The following LSP1 variants were observed in gnomAD, a reference collection of about 807,000 sequenced individuals.
The protein encoded by LSP1 is lymphocyte-specific protein 1.
Under a neutral mutation model 49.3 loss-of-function variants are expected in LSP1, and 32 were observed. The ratio of observed to expected loss-of-function variants is 0.65; its 90% CI spans 0.49 to 0.87. LSP1 has a LOEUF of 0.87. Among genes scored for constraint, LSP1 ranks in the 40% least tolerant of loss-of-function variants. The probability of loss-of-function intolerance (pLI) is 0.00; values close to 1 mark genes in which losing one functional copy is unlikely to be tolerated. For missense variants in LSP1, 428 were observed against 442.6 expected (o/e 0.97, Z 0.30); for synonymous variants, 179 against 178.8 (o/e 1.00, Z -0.01).
chr11:1,855,340 G>T (rs552150693), intron 1 of LSP1, among the ~76,000 whole-genome samples: 1 of 152,308 alleles, frequency 6.6e-6, no homozygotes, highest in South Asian at 2.1e-4. Flanking sequence ...AGCTGGGGCT[G>T]GAGCAGTGGA....
At chr11:1,870,376 G>A (rs750591979) in intron 1 of LSP1, 332 of 1,251,676 alleles carry the variant, frequency 2.7e-4, no homozygotes, top group Non-Finnish European at 3.2e-4. Flanking sequence ...AAGAAGTGCC[G>A]GCCCAGGGGC....
In LSP1 at chr11:1,865,334, G is replaced by A. The variant is rs560003152; in HGVS notation, c.53+12137G>A. 2.6e-5 allele frequency: 17 copies of A among 665,056 alleles called. No individual in the cohort carries two copies. In the South Asian group the frequency reaches 6.5e-4, roughly 26 times the overall value. The allele number at this position is 665,056 out of a possible 1,614,324, so 41.2% of individuals were successfully genotyped here. A position where few individuals can be genotyped will look rare whatever the true frequency, so the allele number is the denominator to read the frequency against. ...CCCATGCTGGGCTGCCACATGCACC[G>A]GGCCACTGGGCCTCCCCCCAGCTTC... On this transcript the variant is annotated intron_variant, in intron 1 of 10. Coordinates refer to ENST00000311604, the MANE Select transcript of LSP1 (RefSeq NM_002339.3).
intron 10 of LSP1, 94 bp downstream of exon 10, chr11:1,887,670 G>C: frequency 1.0e-6 from 1 of 972,400 alleles, no homozygotes; most frequent in Non-Finnish European, 1.6e-6. Flanking sequence ...GAGCCCTGTT[G>C]CAGGCTACAA....
intron 10 of LSP1, chr11:1,890,283 G>A (rs1417626881): frequency 1.4e-6 from 1 of 712,434 alleles, no homozygotes; most frequent in South Asian, 1.5e-5. Context: ...AGCCTCGGCG[G>A]GGCGTGGGGC....
chr11:1,864,258 A>G, intron 1 of LSP1: 1 of 987,402 alleles, frequency 1.0e-6, no homozygotes, highest in Non-Finnish European at 1.2e-6. Flanking sequence ...CAGGTTGACG[A>G]GGGGCTGGAC....
intron 1 of LSP1, chr11:1,863,557 T>G (rs1758896739): frequency 6.6e-6 from 1 of 152,196 alleles, no homozygotes; most frequent in African/African-American, 2.4e-5. Flanking sequence ...TGGTTCTGAG[T>G]GCCAGCGAGC....
rs928623037 is a variant in LSP1 at position 1,870,564 on chromosome 11, C to T, written c.54-9523C>T. 32 of 1,149,314 alleles carry T rather than the reference C, an allele frequency of 2.8e-5. No homozygotes were observed. The East Asian group carries it at 3.2e-4, about 11-fold the overall frequency. 71.2% of individuals were successfully genotyped at this position (1,149,314 alleles called of 1,614,324 possible). A position where few individuals can be genotyped will look rare whatever the true frequency, so the allele number is the denominator to read the frequency against. ...AAGAGGGCCTGGCTGCTGGGTGCTACGGTAGGAAGATCCCGGTGCTGTGGG... is the reference window on the plus strand; with the variant it reads ...AAGAGGGCCTGGCTGCTGGGTGCTATGGTAGGAAGATCCCGGTGCTGTGGG... On this transcript the variant is annotated intron_variant, in intron 1 of 10. Coordinates refer to ENST00000311604, the MANE Select transcript of LSP1 (RefSeq NM_002339.3).
intron 10 of LSP1, chr11:1,889,148 C>T: frequency 1.5e-6 from 1 of 656,890 alleles, no homozygotes. Flanking sequence ...GGCCACTTCA[C>T]TGGAGCCTCC....
intron 1 of LSP1, 136 bp downstream of exon 1, chr11:1,853,333 T>C (rs944984531): frequency 2.4e-6 from 2 of 835,650 alleles, no homozygotes; most frequent in Non-Finnish European, 3.6e-6. Context: ...GGATGTCCGA[T>C]GGGGAAACTG....
At chr11:1,854,569 G>T (rs564234608) in intron 1 of LSP1, among the ~76,000 whole-genome samples, 1 of 152,162 alleles carries the variant, frequency 6.6e-6, no homozygotes, top group Admixed American at 6.5e-5. Context: ...GTACAGGTGC[G>T]GGGGGCCACT....
chr11:1,880,370 G>A (rs1451614884), intron 2 of LSP1, 146 bp downstream of exon 2: 1 of 1,012,994 alleles, frequency 9.9e-7, no homozygotes, highest in East Asian at 3.0e-5. Flanking sequence ...AGGCGTGGGA[G>A]TGGGTGAGTG....
chr11:1,856,622 C>G (rs960774979), intron 1 of LSP1, among the ~76,000 whole-genome samples: 2 of 152,244 alleles, frequency 1.3e-5, no homozygotes, highest in African/African-American at 4.8e-5. Flanking sequence ...AGGGTTCCTT[C>G]TGGCCATCTG....
intron 1 of LSP1, among the ~76,000 whole-genome samples, chr11:1,862,451 C>G (rs1847667031): frequency 6.6e-6 from 1 of 152,210 alleles, no homozygotes; most frequent in South Asian, 2.1e-4. Flanking sequence ...TTCTTTTGAA[C>G]TAAAATATGC....
At chr11:1,869,946 G>A (rs1847929468) in intron 1 of LSP1, among the ~76,000 whole-genome samples, 1 of 152,126 alleles carries the variant, frequency 6.6e-6, no homozygotes, top group African/African-American at 2.4e-5. Context: ...CCCGGTTCTT[G>A]GGGGTTGAGG....
chr11:1,881,617 CGGGCGCT>C (rs1565085332), intron 3 of LSP1, 21 bp downstream of exon 3: 1 of 1,457,554 alleles, frequency 6.9e-7, no homozygotes, highest in African/African-American at 1.5e-5. Flanking sequence ...GCCTCGAGGG[CGGGCGCT>C]GGGCAGAGCA....
At chr11:1,864,006 G>A (rs1847709924) in intron 1 of LSP1, among the ~76,000 whole-genome samples, 1 of 150,892 alleles carries the variant, frequency 6.6e-6, no homozygotes. Flanking sequence ...AAGAGCAGAG[G>A]CCGGGAATGA....
At chr11:1,865,134 C>T (rs1847744540) in intron 1 of LSP1, 1 of 941,746 alleles carries the variant, frequency 1.1e-6, no homozygotes, top group Non-Finnish European at 1.3e-6. Flanking sequence ...GGACAGGAGC[C>T]TTTGAGATGC....
At chr11:1,889,703 C>T (rs772128425) in intron 10 of LSP1, 10 of 645,324 alleles carry the variant, frequency 1.5e-5, no homozygotes, top group Non-Finnish European at 2.8e-5. Context: ...GGGGCTCCTC[C>T]AGGTGCTCTC....
chr11:1,884,479 G>A lies in LSP1; in HGVS notation c.636-21G>A, dbSNP rs769244658. 6.2e-7 allele frequency: 1 copy of A among 1,610,874 alleles called. No homozygotes were observed. Among genetic ancestry groups the A allele is most frequent in the Admixed American group, 1.7e-5 (1 of 59,990 alleles). On this transcript the variant is annotated intron_variant, in intron 6 of 10. Transcript: ENST00000311604. The surrounding 1 kb of genome is among the most constrained non-coding windows in gnomAD (Gnocchi z 4.1). ...AAGCCTTGTGGGAGACATGGGGCCTGACACATCTTCTACCCTCCAGTAACA... is the reference window on the plus strand; with the variant it reads ...AAGCCTTGTGGGAGACATGGGGCCTAACACATCTTCTACCCTCCAGTAACA...
Sources: gnomAD v4.1 joint callset for allele counts (sites outside exome capture counted in the v4.1 genomes callset) on GRCh38, gnomAD v4.1.1 for gene constraint, Gnocchi (gnomAD v3.1) non-coding constraint, MANE v1.5 for transcripts, NCBI Gene and HGNC (gene_info 2026-07-23, HGNC 2026-07-21) for gene names.